Variants in SETD3 observed in about 807,000 individuals in gnomAD.
SETD3 encodes the protein SET domain containing 3, actin N3(tau)-histidine methyltransferase.
Under a neutral mutation model 63.0 loss-of-function variants are expected in SETD3, and 19 were observed. The observed-to-expected ratio is 0.30, with a 90% CI of 0.21 to 0.44. The LOEUF (loss-of-function observed/expected upper bound fraction) is 0.44. Ranked by LOEUF, SETD3 falls within the 20% of genes least tolerant of loss-of-function variation. The pLI, the probability that SETD3 is intolerant of heterozygous loss-of-function variation, is 1.00. For missense variants in SETD3, 587 were observed against 728.5 expected (o/e 0.81, Z 2.24); for synonymous variants, 286 against 264.1 (o/e 1.08, Z -0.80).
At chr14:99,443,401 G>A (rs1893950440) in intron 6 of SETD3, among the ~76,000 whole-genome samples, 1 of 151,730 alleles carries the variant, frequency 6.6e-6, no homozygotes, top group Non-Finnish European at 1.5e-5. Context: ...ACAGGCGCAC[G>A]CTACCAGGCC....
chr14:99,400,599 C>T (rs1891338708), intron 11 of SETD3, among the ~76,000 whole-genome samples: 1 of 152,164 alleles, frequency 6.6e-6, no homozygotes. Context: ...CTTATTTTGA[C>T]AATACCCCTT....
chr14:99,447,871 T>TG (rs1488688078), intron 6 of SETD3, among the ~76,000 whole-genome samples: 2 of 151,950 alleles, frequency 1.3e-5, no homozygotes, highest in Non-Finnish European at 2.9e-5. Flanking sequence ...AACGAAGAGG[T>TG]GGAGTGATCT....
intron 6 of SETD3, among the ~76,000 whole-genome samples, chr14:99,448,656 C>T (rs1057033890): frequency 5.5e-4 from 83 of 152,176 alleles, no homozygotes; most frequent in African/African-American, 2.0e-3. Flanking sequence ...CGCCTTGTAC[C>T]CTCACCATCA....
chr14:99,405,190 T>C lies in SETD3; in HGVS notation c.1091+15A>G, dbSNP rs1891614142. 1.9e-6 allele frequency: 3 copies of C among 1,605,542 alleles called. No homozygotes were observed. Among genetic ancestry groups the C allele is most frequent in the Non-Finnish European group, 2.5e-6 (3 of 1,177,104 alleles). On this transcript the variant is annotated intron_variant, in intron 10 of 12. Coordinates refer to ENST00000331768, the MANE Select transcript of SETD3 (RefSeq NM_032233.3). ...AGTACTGCAAGAAAGGGCCAACCGA[T>C]GTTTTTCTACGTACGTGGGGATGCC...
chr14:99,478,688 T>C (rs149592336), intron 1 of SETD3: 9 of 152,284 alleles, frequency 5.9e-5, no homozygotes, highest in African/African-American at 2.2e-4. Context: ...AATTCAATGA[T>C]TGTCTACTAA....
intron 6 of SETD3, among the ~76,000 whole-genome samples, chr14:99,443,015 C>A (rs566464577): frequency 6.6e-5 from 10 of 152,278 alleles, no homozygotes; most frequent in African/African-American, 2.4e-4. Context: ...CTTGGCCAAG[C>A]CACCCCTTTG....
intron 1 of SETD3, among the ~76,000 whole-genome samples, chr14:99,471,023 T>C (rs1027191709): frequency 1.3e-5 from 2 of 152,096 alleles, no homozygotes; most frequent in Non-Finnish European, 2.9e-5. Context: ...ACCTAAAATT[T>C]ACCTGGCTAA....
chr14:99,451,891 C>T (rs1295564737), intron 6 of SETD3, among the ~76,000 whole-genome samples: 1 of 152,040 alleles, frequency 6.6e-6, no homozygotes, highest in Non-Finnish European at 1.5e-5. Context: ...CTGTTGAACA[C>T]CTGAAGGATA....
At position 99,399,092 on chromosome 14, in the gene SETD3, A is replaced by G. The variant is rs1891238460; in HGVS notation, c.1372T>C (p.Ser458Pro). ...TTGATGGCCATTTTTGCACGAACAGAAAGATCGTGGTTTTTCAAGACGGAT... is the reference window on the plus strand; with the variant it reads ...TTGATGGCCATTTTTGCACGAACAGGAAGATCGTGGTTTTTCAAGACGGAT... ...DKSVLKNHDLSVRAKMAIKLR... is the reference protein window; with the variant it reads ...DKSVLKNHDLPVRAKMAIKLR... The change falls in exon 13 of 13, where the codon TCT becomes CCT. Residue 458 changes from serine (S) to proline (P), a missense_variant. Physicochemically the swap from Ser to Pro is moderately conservative, Grantham distance 74. Transcript: ENST00000331768. 6.2e-7 allele frequency: 1 copy of G among 1,613,966 alleles called. No individual in the cohort carries two copies. The highest frequency in any genetic ancestry group is 8.5e-7 in the Non-Finnish European group (1 of 1,179,896).
At chr14:99,429,997 C>G (rs1430654921) in intron 6 of SETD3, among the ~76,000 whole-genome samples, 1 of 152,164 alleles carries the variant, frequency 6.6e-6, no homozygotes, top group Non-Finnish European at 1.5e-5. Context: ...CTACCCCCAG[C>G]CATTAAACGA....
At chr14:99,442,503 C>A (rs1215682394) in intron 6 of SETD3, among the ~76,000 whole-genome samples, 2 of 152,200 alleles carry the variant, frequency 1.3e-5, no homozygotes, top group African/African-American at 2.4e-5. Context: ...AGATTTTCTT[C>A]CAGATCTGCC....
intron 4 of SETD3, 83 bp from the exon 5 acceptor site, chr14:99,459,268 T>C: frequency 2.1e-6 from 2 of 940,682 alleles, no homozygotes; most frequent in East Asian, 2.5e-5. Context: ...AGAAATCCAA[T>C]CACACATGAA....
Position 99,459,158 on chromosome 14 carries a change from G to T in SETD3, c.373C>A (p.Arg125=). 6.2e-7 allele frequency: 1 copy of T among 1,611,102 alleles called. No homozygotes were observed. The highest frequency in any genetic ancestry group is 1.7e-4 in the Middle Eastern group (1 of 6,056). ...GATTCAACAGTCATTAGCAATTTTC[G>T]TGGAACCCATAAAAACAATTCTTCT... ...KAEELFLWVP[R]KLLMTVESAK... Residue 125 remains arginine, a synonymous_variant, in exon 5 of 13, where the codon CGA becomes AGA. Transcript: ENST00000331768.
chr14:99,445,446 C>G (rs1894079644), intron 6 of SETD3, among the ~76,000 whole-genome samples: 2 of 152,188 alleles, frequency 1.3e-5, no homozygotes, highest in Non-Finnish European at 2.9e-5. Flanking sequence ...GTCCCAGACT[C>G]AGATTCAAAG....
At chr14:99,422,062 G>A (rs946027385) in intron 6 of SETD3, among the ~76,000 whole-genome samples, 5 of 152,106 alleles carry the variant, frequency 3.3e-5, no homozygotes, top group African/African-American at 4.8e-5. Flanking sequence ...ATTATTTCCC[G>A]CACCATCAGA....
At chr14:99,470,921 G>A (rs1287424939) in intron 1 of SETD3, among the ~76,000 whole-genome samples, 1 of 152,150 alleles carries the variant, frequency 6.6e-6, no homozygotes, top group African/African-American at 2.4e-5. Flanking sequence ...TCAGCCCCCT[G>A]GCCTGGCTGT....
At chr14:99,414,750 G>A (rs2139647630) in intron 6 of SETD3, among the ~76,000 whole-genome samples, 1 of 151,120 alleles carries the variant, frequency 6.6e-6, no homozygotes, top group East Asian at 2.0e-4. Context: ...AGCTGTAATA[G>A]TACAATTTGG....
chr14:99,441,221 C>T (rs1893792485), intron 6 of SETD3, among the ~76,000 whole-genome samples: 1 of 152,236 alleles, frequency 6.6e-6, no homozygotes, highest in South Asian at 2.1e-4. Flanking sequence ...TGGGCTGGAC[C>T]TCACTCCTTT....
intron 1 of SETD3, among the ~76,000 whole-genome samples, chr14:99,469,048 G>A (rs1033685959): frequency 5.9e-5 from 9 of 152,182 alleles, no homozygotes; most frequent in East Asian, 1.9e-4. Flanking sequence ...TTCCTGCTCC[G>A]CGTGACAGAC....
Sources: gnomAD v4.1 joint callset for allele counts (sites outside exome capture counted in the v4.1 genomes callset) on GRCh38, gnomAD v4.1.1 for gene constraint, MANE v1.5 for transcripts, NCBI Gene and HGNC (gene_info 2026-07-23, HGNC 2026-07-21) for gene names.